Variants in PRKDC observed in about 807,000 individuals in gnomAD.
The protein encoded by PRKDC is protein kinase, DNA-activated, catalytic subunit, also known as DNA-dependent protein kinase catalytic subunit.
In PRKDC, 82 loss-of-function variants were observed where a neutral mutation model predicts 486.9. The observed-to-expected ratio is 0.17, with a 90% CI of 0.14 to 0.20. The LOEUF (loss-of-function observed/expected upper bound fraction) is 0.20. Ranked by LOEUF, PRKDC falls within the 10% of genes least tolerant of loss-of-function variation. The probability of loss-of-function intolerance (pLI) is 1.00; values close to 1 mark genes in which losing one functional copy is unlikely to be tolerated. For missense variants in PRKDC, 4,504 were observed against 5,038.2 expected (o/e 0.89, Z 3.21); for synonymous variants, 1,895 against 1,837.0 (o/e 1.03, Z -0.81).
chr8:47,893,888 A>G (rs1028809819), intron 30 of PRKDC, among the ~76,000 whole-genome samples: 5 of 152,220 alleles, frequency 3.3e-5, no homozygotes, highest in African/African-American at 9.6e-5. Flanking sequence ...TAAATACATA[A>G]AACTGCATTT....
chr8:47,820,606 G>T, intron 66 of PRKDC, 113 bp downstream of exon 66: 1 of 677,650 alleles, frequency 1.5e-6, no homozygotes, highest in Non-Finnish European at 2.0e-6. Flanking sequence ...TTTTTCATGA[G>T]TTTACTGAGT....
At chr8:47,828,976 T>C (rs1027714354) in intron 61 of PRKDC, among the ~76,000 whole-genome samples, 1 of 152,210 alleles carries the variant, frequency 6.6e-6, no homozygotes, top group Non-Finnish European at 1.5e-5. Context: ...GGCCACAGTA[T>C]ACTCCCTTTA....
intron 7 of PRKDC, among the ~76,000 whole-genome samples, chr8:47,948,757 C>T (rs376459405): frequency 7.3e-5 from 11 of 151,546 alleles, no homozygotes; most frequent in Admixed American, 3.9e-4. Context: ...CCACCGCGCC[C>T]GGCCCTGGGT....
At chr8:47,906,832 T>C (rs1419976822) in intron 25 of PRKDC, among the ~76,000 whole-genome samples, 1 of 151,374 alleles carries the variant, frequency 6.6e-6, no homozygotes, top group Non-Finnish European at 1.5e-5. Context: ...TCAAAAATGA[T>C]GCAAAATGTC....
At chr8:47,839,963 C>A in intron 55 of PRKDC, 53 bp downstream of exon 55, 1 of 1,414,040 alleles carries the variant, frequency 7.1e-7, no homozygotes, top group South Asian at 1.4e-5. Flanking sequence ...GTCGACAGAG[C>A]AAGACCTTAT....
intron 70 of PRKDC, among the ~76,000 whole-genome samples, chr8:47,801,619 G>T (rs1280809285): frequency 6.6e-6 from 1 of 152,132 alleles, no homozygotes; most frequent in Non-Finnish European, 1.5e-5. Context: ...TAGGAAATGG[G>T]TACTAATGTG....
intron 26 of PRKDC, among the ~76,000 whole-genome samples, chr8:47,903,266 A>T (rs984483028): frequency 2.0e-5 from 3 of 152,256 alleles, no homozygotes; most frequent in Non-Finnish European, 4.4e-5. Flanking sequence ...GGAGGCATGA[A>T]GAGCAGACCC....
intron 58 of PRKDC, among the ~76,000 whole-genome samples, chr8:47,836,095 C>A (rs1347991629): frequency 1.3e-5 from 2 of 152,190 alleles, no homozygotes; most frequent in East Asian, 3.8e-4. Flanking sequence ...AAATTCTGTA[C>A]CCATTAAACT....
chr8:47,796,441 G>A (rs1486149674), intron 73 of PRKDC, among the ~76,000 whole-genome samples: 1 of 152,132 alleles, frequency 6.6e-6, no homozygotes, highest in Admixed American at 6.6e-5. Context: ...TAGTGAGGCT[G>A]TATGTTCCAT....
rs8178106 is a variant in PRKDC, at chr8:47,882,065, C to A, written c.4809G>T (p.Gln1603His). The change falls in exon 37 of 86, where the codon CAG becomes CAT. Residue 1603 changes from glutamine (Q) to histidine (H), a missense_variant. Physicochemically the swap from Gln to His is conservative, Grantham distance 24. Coordinates refer to ENST00000314191, the MANE Select transcript of PRKDC (RefSeq NM_006904.7). ...VSAVLNGMLDQSFRERANQKH... is the reference protein window; with the variant it reads ...VSAVLNGMLDHSFRERANQKH... The stretch of plus-strand genomic sequence containing the variant: ...TCTGGTTTGCTCGCTCCCTGAAGCT[C>A]TGGTCTAACATGCCGTTCAAAACGG... 8.4e-4 allele frequency: 1,359 copies of A among 1,613,976 alleles called. 22 individuals are homozygous for A. In the Admixed American group the frequency reaches 0.022, roughly 26 times the overall value.
In PRKDC at chr8:47,889,230, AG is replaced by A; in HGVS notation, c.4072-9del. 1.9e-6 allele frequency: 3 copies of A among 1,586,930 alleles called. No homozygotes were observed. The highest frequency in any genetic ancestry group is 2.6e-6 in the Non-Finnish European group (3 of 1,165,840). On this transcript the variant is annotated splice_polypyrimidine_tract_variant and intron_variant, in intron 32 of 85. Transcript: ENST00000314191. ...CAAGTCCTTCTTCAGGAGCTGTAAC[AG>A]ATTGTTTGATAAAAACACTTCGTCA... is the stretch of plus-strand genomic sequence containing the variant.
At chr8:47,949,194 A>G (rs969614804) in intron 7 of PRKDC, among the ~76,000 whole-genome samples, 3 of 152,150 alleles carry the variant, frequency 2.0e-5, no homozygotes, top group African/African-American at 4.8e-5. Context: ...TGATCACACC[A>G]AGCCCATGGG....
intron 59 of PRKDC, among the ~76,000 whole-genome samples, 182 bp downstream of exon 59, chr8:47,834,014 T>C (rs538918524): frequency 2.0e-5 from 3 of 152,350 alleles, no homozygotes; most frequent in South Asian, 2.1e-4. Flanking sequence ...AGGATTCTTC[T>C]GGAACTCCCA....
Position 47,837,348 on chromosome 8 carries a change from A to G in PRKDC, c.7625T>C (p.Leu2542Pro), listed in dbSNP as rs945628171. 1 of 1,613,060 alleles carries G rather than the reference A, an allele frequency of 6.2e-7. No individual in the cohort carries two copies. Among genetic ancestry groups the G allele is most frequent in the Non-Finnish European group, 8.5e-7 (1 of 1,179,116 alleles). ...PSNTLDRLLA[L>P]NSLYSPKIEV... ...TATCTTAGGAGAATATAAGGAATTTAGTGCCAGCAACCGGTCCAAGGTATT... is the reference window on the plus strand; with the variant it reads ...TATCTTAGGAGAATATAAGGAATTTGGTGCCAGCAACCGGTCCAAGGTATT... Residue 2542 changes from leucine to proline, a missense_variant, in exon 57 of 86, where the codon CTA becomes CCA. Leu to Pro is a moderately conservative substitution (Grantham distance 98). Coordinates refer to ENST00000314191, the MANE Select transcript of PRKDC (RefSeq NM_006904.7).
At chr8:47,804,296 CTTTTTTTTTTT>C (rs767946033) in intron 69 of PRKDC, among the ~76,000 whole-genome samples, 3 of 135,932 alleles carry the variant, frequency 2.2e-5, no homozygotes, top group Non-Finnish European at 4.8e-5. Context: ...GGACATGCCA[CTTTTTTTTTTT>C]TTTTTTTTTG....
intron 3 of PRKDC, among the ~76,000 whole-genome samples, chr8:47,956,887 T>TA (rs963185668): frequency 1.4e-5 from 2 of 142,234 alleles, no homozygotes; most frequent in African/African-American, 5.3e-5. Flanking sequence ...AGATAGTTAT[T>TA]AAAAAAAATT....
At position 47,773,927 on chromosome 8, in the gene PRKDC, A is replaced by G. The variant is rs1037339079; in HGVS notation, c.*246T>C. 1 of 409,160 alleles carries G rather than the reference A, an allele frequency of 2.4e-6. No homozygotes were observed. The highest frequency in any genetic ancestry group is 4.0e-5 in the Admixed American group (1 of 25,040). The allele number at this position is 409,160 out of a possible 1,614,324, so 25.3% of individuals were successfully genotyped here. On this transcript the variant is annotated 3_prime_UTR_variant, in exon 86 of 86. Coordinates refer to ENST00000314191, the MANE Select transcript of PRKDC (RefSeq NM_006904.7). ...TATATTCTTGACTTAATACTTTGGT[A>G]AGCCTGGATATCTATCTTTCTATAA...
At chr8:47,859,798 C>A in intron 45 of PRKDC, 39 bp from the exon 46 acceptor site, 2 of 1,532,894 alleles carry the variant, frequency 1.3e-6, no homozygotes, top group Non-Finnish European at 1.8e-6. Flanking sequence ...TGTATTCAAA[C>A]ATAATTAGTA....
At chr8:47,928,707 A>G (rs1391554359) in intron 19 of PRKDC, among the ~76,000 whole-genome samples, 9 of 151,480 alleles carry the variant, frequency 5.9e-5, no homozygotes, top group African/African-American at 2.2e-4. Context: ...TTTTTGAGAC[A>G]GAGTCTCGCT....
Sources: gnomAD v4.1 joint callset for allele counts (sites outside exome capture counted in the v4.1 genomes callset) on GRCh38, gnomAD v4.1.1 for gene constraint, MANE v1.5 for transcripts, NCBI Gene and HGNC (gene_info 2026-07-23, HGNC 2026-07-21) for gene names.